The following MAST4 variants were observed in gnomAD, a reference collection of about 807,000 sequenced individuals.
The protein encoded by MAST4 is microtubule-associated serine/threonine-protein kinase 4.
Under a neutral mutation model 162.7 loss-of-function variants are expected in MAST4, and 89 were observed. The ratio of observed to expected loss-of-function variants is 0.55; its 90% confidence interval spans 0.46 to 0.65. The LOEUF (loss-of-function observed/expected upper bound fraction) is 0.65. Among genes scored for constraint, MAST4 ranks in the 30% least tolerant of loss-of-function variants. The pLI is 0.00. For synonymous variants in MAST4, 1,479 were observed against 1,361.1 expected (o/e 1.09, Z -1.91); for missense variants, 3,153 against 3,374.0 (o/e 0.93, Z 1.62).
chr5:66,654,754 C>T lies in MAST4; in HGVS notation c.363+57736C>T, dbSNP rs534956618. On this transcript the variant is annotated intron_variant, in intron 1 of 28. Transcript: ENST00000403625. ...GTTAAGATTGTTTTTAAGCAGGAAA[C>T]AAACAAGATTCAGCTCAAAGATGAG... Among the ~76,000 whole-genome samples, 11 of 152,122 alleles carry T rather than the reference C, an allele frequency of 7.2e-5. No homozygotes were observed. In the South Asian group the frequency reaches 2.3e-3, roughly 32 times the overall value.
At position 67,116,180 on chromosome 5, in the gene MAST4, T is replaced by TTTTGTTTG. The variant is rs57544655; in HGVS notation, c.1591+1985_1591+1992dup. Among the ~76,000 whole-genome samples, 284 of 150,762 alleles carry TTTTGTTTG rather than the reference T, an allele frequency of 1.9e-3. 1 individual carries two copies. Among genetic ancestry groups the TTTTGTTTG allele is most frequent in the African/African-American group, 5.0e-3 (203 of 40,844 alleles). On this transcript the variant is annotated intron_variant, in intron 12 of 28. Transcript: ENST00000403625. ...TTGACAATTTAAGATCTAAGGCTAG[T>TTTTGTTTG]TTTGTTTGTTTGTTTGTTTGTTTGT...
At chr5:66,696,939 C>T (rs576391367) in intron 1 of MAST4, among the ~76,000 whole-genome samples, 1 of 152,278 alleles carries the variant, frequency 6.6e-6, no homozygotes, top group Non-Finnish European at 1.5e-5. Flanking sequence ...TTTATTGTAT[C>T]TTAACCCTTG....
At chr5:66,703,627 T>TTG (rs1293117433) in intron 1 of MAST4, among the ~76,000 whole-genome samples, 1 of 152,218 alleles carries the variant, frequency 6.6e-6, no homozygotes, top group Non-Finnish European at 1.5e-5. Context: ...TGTGCTCATC[T>TTG]TGTGTGTACC....
chr5:66,618,150 A>G (rs2149403427), intron 1 of MAST4, among the ~76,000 whole-genome samples: 1 of 152,278 alleles, frequency 6.6e-6, no homozygotes, highest in African/African-American at 2.4e-5. Context: ...GAGAAAGAGA[A>G]TCTTTACTGC....
intron 26 of MAST4, among the ~76,000 whole-genome samples, chr5:67,155,190 C>T (rs995729241): frequency 2.0e-5 from 3 of 152,194 alleles, no homozygotes; most frequent in African/African-American, 7.2e-5. Context: ...ACCTTCACAA[C>T]TTCAAAGTGA....
chr5:66,636,577 A>G (rs1354412580), intron 1 of MAST4, among the ~76,000 whole-genome samples: 1 of 152,158 alleles, frequency 6.6e-6, no homozygotes, highest in Admixed American at 6.5e-5. Flanking sequence ...TGCAGATTAG[A>G]GAAGAAAAGG....
chr5:67,044,721 C>G (rs1007810737), intron 4 of MAST4, among the ~76,000 whole-genome samples: 2 of 152,170 alleles, frequency 1.3e-5, no homozygotes, highest in Non-Finnish European at 2.9e-5. Flanking sequence ...CTATGTTAAC[C>G]AAGCTGGTTT....
intron 4 of MAST4, among the ~76,000 whole-genome samples, chr5:67,049,031 ATATATATATACGTG>A (rs1463236698): frequency 2.6e-5 from 3 of 115,208 alleles, no homozygotes; most frequent in East Asian, 2.0e-4. Flanking sequence ...ACGTATATAT[ATATATATATACGTG>A]TATATATATA....
intron 4 of MAST4, among the ~76,000 whole-genome samples, chr5:66,994,173 G>A (rs190156524): frequency 1.0e-3 from 157 of 152,192 alleles, no homozygotes; most frequent in African/African-American, 3.6e-3. Flanking sequence ...ACAAGAGATC[G>A]TGGAAGCCAT....
chr5:66,661,667 A>G (rs1441524403), intron 1 of MAST4, among the ~76,000 whole-genome samples: 1 of 152,120 alleles, frequency 6.6e-6, no homozygotes, highest in Non-Finnish European at 1.5e-5. Flanking sequence ...TGCATTTACC[A>G]CATCACCTTT....
intron 3 of MAST4, among the ~76,000 whole-genome samples, chr5:66,820,888 A>G (rs1442392521): frequency 2.0e-5 from 3 of 151,596 alleles, no homozygotes; most frequent in African/African-American, 4.8e-5. Context: ...ATAATAAGAG[A>G]AAAAAAAAGA....
chr5:66,621,577 G>A (rs1314665779), intron 1 of MAST4, among the ~76,000 whole-genome samples: 2 of 152,096 alleles, frequency 1.3e-5, no homozygotes, highest in Non-Finnish European at 2.9e-5. Flanking sequence ...TTGCTCTTAT[G>A]TTTTAGGTAT....
At chr5:66,907,667 C>A (rs939365129) in intron 4 of MAST4, among the ~76,000 whole-genome samples, 1 of 148,328 alleles carries the variant, frequency 6.7e-6, no homozygotes, top group African/African-American at 2.5e-5. Flanking sequence ...TAGGTTCAGG[C>A]CTGTTATATA....
intron 4 of MAST4, among the ~76,000 whole-genome samples, chr5:66,998,183 T>C (rs1196669511): frequency 6.6e-6 from 1 of 152,242 alleles, no homozygotes; most frequent in African/African-American, 2.4e-5. Flanking sequence ...GCTGACCCAC[T>C]TAAACCAAAT....
chr5:66,729,560 A>G (rs1194417282), intron 1 of MAST4, among the ~76,000 whole-genome samples: 1 of 152,120 alleles, frequency 6.6e-6, no homozygotes, highest in Non-Finnish European at 1.5e-5. Context: ...TTCTCTATTG[A>G]TTTATACCTC....
intron 1 of MAST4, among the ~76,000 whole-genome samples, chr5:66,681,490 G>A (rs1223524628): frequency 2.6e-5 from 4 of 152,172 alleles, no homozygotes; most frequent in Non-Finnish European, 5.9e-5. Flanking sequence ...GTATCCTGGT[G>A]GGGGTGACTC....
chr5:67,092,157 T>G (rs1158637015), intron 6 of MAST4, among the ~76,000 whole-genome samples: 3 of 152,230 alleles, frequency 2.0e-5, no homozygotes, highest in Non-Finnish European at 4.4e-5. Context: ...AGTAATGTCA[T>G]TTTGAGACTC....
chr5:66,706,556 G>T (rs575915283), intron 1 of MAST4, among the ~76,000 whole-genome samples: 1 of 152,076 alleles, frequency 6.6e-6, no homozygotes, highest in South Asian at 2.1e-4. Context: ...CCACAAAAAC[G>T]TAGAATTTTC....
chr5:67,136,485 C>T (rs1769659081), intron 18 of MAST4, 78 bp from the exon 19 acceptor site: 1 of 1,074,984 alleles, frequency 9.3e-7, no homozygotes. Flanking sequence ...CTGACAAATT[C>T]CCAGGTGATG....
Sources: gnomAD v4.1 joint callset for allele counts (sites outside exome capture counted in the v4.1 genomes callset) on GRCh38, gnomAD v4.1.1 for gene constraint, MANE v1.5 for transcripts, NCBI Gene and HGNC (gene_info 2026-07-23, HGNC 2026-07-21) for gene names.